PCSK5: variants seen among roughly 807,000 people sequenced by gnomAD.
The protein encoded by PCSK5 is prohormone convertase 5.
In PCSK5, 129 loss-of-function variants were observed where a neutral mutation model predicts 233.2. That is an observed-to-expected ratio of 0.55 (90% confidence interval 0.48 to 0.64). The LOEUF (loss-of-function observed/expected upper bound fraction) is 0.64. Among genes scored for constraint, PCSK5 ranks in the 30% least tolerant of loss-of-function variants. PCSK5 has a pLI of 0.00. For missense variants in PCSK5, 2,076 were observed against 2,430.1 expected (o/e 0.85, Z 3.06); for synonymous variants, 825 against 879.2 (o/e 0.94, Z 1.09).
chr9:76,304,423 G>T (rs1420204763), intron 28 of PCSK5, among the ~76,000 whole-genome samples: 1 of 152,182 alleles, frequency 6.6e-6, no homozygotes, highest in Non-Finnish European at 1.5e-5. Flanking sequence ...GGCCACCCAG[G>T]TATGAAACCA....
intron 30 of PCSK5, among the ~76,000 whole-genome samples, chr9:76,320,465 CT>C (rs140154837): frequency 0.016 from 1,655 of 101,882 alleles, 3 homozygotes; most frequent in Middle Eastern, 0.027. Flanking sequence ...TACATTGTAG[CT>C]TTTTTTTTTT....
chr9:76,340,838 C>A (rs1044715973), intron 35 of PCSK5, among the ~76,000 whole-genome samples: 3 of 151,958 alleles, frequency 2.0e-5, no homozygotes, highest in African/African-American at 7.3e-5. Context: ...CATTCCCTGA[C>A]TTGTTTTAGA....
intron 5 of PCSK5, among the ~76,000 whole-genome samples, chr9:76,035,875 T>G (rs1264972908): frequency 6.6e-6 from 1 of 152,154 alleles, no homozygotes; most frequent in Non-Finnish European, 1.5e-5. Flanking sequence ...TTTTCTTTAT[T>G]TCATTACTAA....
chr9:76,105,640 A>G (rs1831947098), intron 8 of PCSK5, among the ~76,000 whole-genome samples: 2 of 152,352 alleles, frequency 1.3e-5, no homozygotes, highest in South Asian at 4.1e-4. Context: ...TCCTGCAAGC[A>G]TCACATGTCG....
chr9:76,068,190 C>A, intron 6 of PCSK5, 147 bp downstream of exon 6: 1 of 579,148 alleles, frequency 1.7e-6, no homozygotes, highest in East Asian at 2.9e-5. Flanking sequence ...CCAACATGAC[C>A]ATGTTAGCAT....
chr9:76,158,587 G>T lies in PCSK5; in HGVS notation c.1431-396G>T, dbSNP rs28701906. Among the ~76,000 whole-genome samples the T allele has an allele frequency of 4.5e-3, 685 of 152,268 alleles. 9 individuals are homozygous for T. Among genetic ancestry groups the T allele is most frequent in the African/African-American group, 0.016 (662 of 41,534 alleles). ...AGCCTCCACTGTACCACAGTAAGTGGTTCTCACAGTGTATTCCATAGATCA... is the reference window on the plus strand; with the variant it reads ...AGCCTCCACTGTACCACAGTAAGTGTTTCTCACAGTGTATTCCATAGATCA... On this transcript the variant is annotated intron_variant, in intron 11 of 37. Transcript: ENST00000674117.
intron 20 of PCSK5, among the ~76,000 whole-genome samples, chr9:76,224,943 A>C (rs1825840557): frequency 6.6e-6 from 1 of 152,240 alleles, no homozygotes; most frequent in African/African-American, 2.4e-5. Context: ...GAACCTTCTA[A>C]GTAGCATTTG....
intron 12 of PCSK5, among the ~76,000 whole-genome samples, chr9:76,160,118 G>A (rs1822789764): frequency 6.6e-6 from 1 of 152,252 alleles, no homozygotes; most frequent in South Asian, 2.1e-4. Flanking sequence ...ACCGCGCCCA[G>A]CTGACTCTTC....
intron 24 of PCSK5, among the ~76,000 whole-genome samples, chr9:76,271,698 C>T (rs1827518165): frequency 6.6e-6 from 1 of 152,088 alleles, no homozygotes; most frequent in Non-Finnish European, 1.5e-5. Context: ...AAATGGATGG[C>T]TTACAACAAC....
chr9:76,070,141 T>C (rs1257414203), intron 6 of PCSK5, among the ~76,000 whole-genome samples: 1 of 151,868 alleles, frequency 6.6e-6, no homozygotes, highest in African/African-American at 2.4e-5. Context: ...GCTGGGAATA[T>C]AGGTGCCCAC....
chr9:76,338,511 T>G lies in PCSK5; in HGVS notation c.4966+64T>G, dbSNP rs558950699. On this transcript the variant is annotated intron_variant, in intron 35 of 37. Transcript: ENST00000674117. ...AAATGAAAAGGTTTTCTTCCTTATT[T>G]GCCCCTTTCTCTCTTCTCACCACCT... The G allele has an allele frequency of 1.0e-5, 12 of 1,192,222 alleles. No individual in the cohort carries two copies. The African/African-American group carries it at 1.0e-4, about 10-fold the overall frequency. 73.9% of individuals were successfully genotyped at this position (1,192,222 alleles called of 1,614,324 possible).
intron 9 of PCSK5, among the ~76,000 whole-genome samples, chr9:76,108,391 C>T (rs914365): frequency 0.61 from 93,323 of 152,064 alleles, 28,796 homozygotes; most frequent in East Asian, 0.7. Flanking sequence ...TCTAGCTGCA[C>T]CCTGAAGTAG....
At chr9:75,993,051 G>A (rs946870072) in intron 3 of PCSK5, among the ~76,000 whole-genome samples, 1 of 152,082 alleles carries the variant, frequency 6.6e-6, no homozygotes, top group Non-Finnish European at 1.5e-5. Flanking sequence ...TCTGCGGTTG[G>A]CACACATTTT....
chr9:75,928,648 A>G (rs918622270), intron 1 of PCSK5, among the ~76,000 whole-genome samples: 8 of 120,374 alleles, frequency 6.6e-5, no homozygotes, highest in Non-Finnish European at 1.2e-4. Flanking sequence ...TAATCCTAGA[A>G]GGTGATAGAT....
chr9:75,999,932 A>C (rs1160187017), intron 3 of PCSK5, among the ~76,000 whole-genome samples: 1 of 152,248 alleles, frequency 6.6e-6, no homozygotes, highest in African/African-American at 2.4e-5. Context: ...AACGGGATCT[A>C]ATTAAACTAA....
At position 76,310,655 on chromosome 9, in the gene PCSK5, G is replaced by T; in HGVS notation, c.3689-1G>T. ...ATCTTCCCTCTTCCCTGAATTTCTA[G>T]GTGCATATCTTCTGGCTCAGGCCTG... On this transcript the variant is annotated splice_acceptor_variant, in intron 29 of 37. Transcript: ENST00000674117. LOFTEE classifies it high-confidence loss of function. 1 of 1,543,622 alleles carries T rather than the reference G, an allele frequency of 6.5e-7. No individual in the cohort carries two copies. Among genetic ancestry groups the T allele is most frequent in the African/African-American group, 1.4e-5 (1 of 72,186 alleles).
chr9:76,206,268 A>G (rs1484507573), intron 20 of PCSK5, among the ~76,000 whole-genome samples: 1 of 152,232 alleles, frequency 6.6e-6, no homozygotes. Flanking sequence ...TACTAGAAAG[A>G]TGTGGGTTCA....
intron 33 of PCSK5, 86 bp downstream of exon 33, chr9:76,328,325 TTC>T (rs1829431189): frequency 1.1e-6 from 1 of 931,360 alleles, no homozygotes; most frequent in African/African-American, 1.6e-5. Flanking sequence ...AGATACTGGC[TTC>T]TTTCTTTTTG....
chr9:75,950,565 A>C lies in PCSK5; in HGVS notation c.297+18082A>C, dbSNP rs377758429. ...TTCTTAAAGAAAAGAATTTTCAACC[A>C]AGAATTTCATATCCAGCCAAACTAA... On this transcript the variant is annotated intron_variant, in intron 2 of 37. Coordinates refer to ENST00000674117, the MANE Select transcript of PCSK5 (RefSeq NM_001372043.1). Among the ~76,000 whole-genome samples, 14 of 152,294 alleles carry C rather than the reference A, an allele frequency of 9.2e-5. No homozygotes were observed. In the East Asian group the frequency reaches 1.9e-3, roughly 21 times the overall value.
Sources: gnomAD v4.1 joint callset for allele counts (sites outside exome capture counted in the v4.1 genomes callset) on GRCh38, gnomAD v4.1.1 for gene constraint, MANE v1.5 for transcripts, NCBI Gene and HGNC (gene_info 2026-07-23, HGNC 2026-07-21) for gene names.